The following CD1D variants were observed in gnomAD, a reference collection of about 807,000 sequenced individuals.
CD1D encodes the protein CD1d molecule, also known as antigen-presenting glycoprotein CD1d.
A neutral mutation model predicts 42.1 loss-of-function variants in CD1D; 40 were observed. The ratio of observed to expected loss-of-function variants is 0.95; its 90% confidence interval spans 0.74 to 1.24. The LOEUF is 1.24. CD1D is among the 50% of genes most tolerant of loss of function. CD1D has a pLI of 0.00. For missense variants in CD1D, 437 were observed against 416.5 expected (o/e 1.05, Z -0.43); for synonymous variants, 178 against 171.8 (o/e 1.04, Z -0.28).
intron 4 of CD1D, 140 bp downstream of exon 4, chr1:158,183,296 G>A: frequency 9.6e-7 from 1 of 1,042,992 alleles, no homozygotes; most frequent in African/African-American, 1.6e-5. Context: ...AGGATAGAGA[G>A]AGGGGTTCCA....
chr1:158,185,816 G>A lies in CD1D; in HGVS notation c.*1666G>A, dbSNP rs189267822. On this transcript the variant is annotated 3_prime_UTR_variant, in exon 6 of 6. Coordinates refer to ENST00000674085, the MANE Select transcript of CD1D (RefSeq NM_001371762.2). The stretch of plus-strand genomic sequence containing the variant: ...GGGCCTCATCCTATACCCGCTGAAT[G>A]AGAAACTCTGAGTCTGGAAGCAGGC... Among the ~76,000 whole-genome samples, 28 of 152,346 alleles carry A rather than the reference G, an allele frequency of 1.8e-4. No individual in the cohort carries two copies. The highest frequency in any genetic ancestry group is 1.7e-3 in the Admixed American group (26 of 15,310).
intron 4 of CD1D, 133 bp downstream of exon 4, chr1:158,183,289 A>T (rs1648545654): frequency 7.2e-6 from 8 of 1,114,326 alleles, no homozygotes; most frequent in Admixed American, 2.9e-5. Context: ...CAGTAAAAGG[A>T]TAGAGAGAGG....
Position 158,182,962 on chromosome 1 carries a change from C to G in CD1D, c.692C>G (p.Pro231Arg), listed in dbSNP as rs569233577. The G allele has an allele frequency of 8.0e-5, 129 of 1,614,196 alleles. No homozygotes were observed. The South Asian group carries it at 1.4e-3, about 17-fold the overall frequency. The change falls in exon 4 of 6, where the codon CCA becomes CGA. Residue 231 changes from proline to arginine, a missense_variant. Pro to Arg is a moderately radical substitution (Grantham distance 103, BLOSUM62 -2). Coordinates refer to ENST00000674085, the MANE Select transcript of CD1D (RefSeq NM_001371762.2). ...LLVCHVSGFYPKPVWVKWMRG... is the reference protein window; with the variant it reads ...LLVCHVSGFYRKPVWVKWMRG... ...GTGTGCCATGTCTCAGGATTCTACCCAAAGCCTGTATGGGTGAAGTGGATG... is the reference window on the plus strand; with the variant it reads ...GTGTGCCATGTCTCAGGATTCTACCGAAAGCCTGTATGGGTGAAGTGGATG...
chr1:158,183,050 A>G lies in CD1D; in HGVS notation c.780A>G (p.Thr260=), dbSNP rs1263126501. 9 of 1,614,036 alleles carry G rather than the reference A, an allele frequency of 5.6e-6. No homozygotes were observed. The highest frequency in any genetic ancestry group is 1.7e-6 in the Non-Finnish European group (2 of 1,180,004). ...PGDILPNADE[T]WYLRATLDVV... ...ACATCCTGCCCAATGCTGACGAGAC[A>G]TGGTATCTCCGAGCAACCCTGGATG... The change falls in exon 4 of 6, where the codon ACA becomes ACG. Residue 260 remains threonine, a synonymous_variant. Coordinates refer to ENST00000674085, the MANE Select transcript of CD1D (RefSeq NM_001371762.2).
intron 3 of CD1D, 104 bp downstream of exon 3, chr1:158,182,414 C>T (rs1192160378): frequency 7.7e-7 from 1 of 1,304,644 alleles, no homozygotes; most frequent in African/African-American, 1.5e-5. Flanking sequence ...AGAGGAAGGC[C>T]CAGGAGGGGC....
Position 158,184,129 on chromosome 1 carries a change from T to C in CD1D, c.987T>C (p.Thr329=). 1 of 1,614,146 alleles carries C rather than the reference T, an allele frequency of 6.2e-7. No homozygotes were observed. Among genetic ancestry groups the C allele is most frequent in the Non-Finnish European group, 8.5e-7 (1 of 1,180,022 alleles). Reference sequence around the variant, plus strand: ...TCTTTCCCTTTCTATTCTCTCACAGTTCCTATCAGGGCGTCCTGTGACTCG... The same window carrying C: ...TCTTTCCCTTTCTATTCTCTCACAGCTCCTATCAGGGCGTCCTGTGACTCG... ...VGFTSRFKRQ[T]SYQGVL The change falls in exon 6 of 6, where the codon ACT becomes ACC. Residue 329 remains threonine (T), a splice_region_variant and synonymous_variant. Coordinates refer to ENST00000674085, the MANE Select transcript of CD1D (RefSeq NM_001371762.2).
chr1:158,181,565 T>G lies in CD1D; in HGVS notation c.172T>G (p.Trp58Gly). The G allele has an allele frequency of 6.2e-7, 1 of 1,614,128 alleles. No homozygotes were observed. Among genetic ancestry groups the G allele is most frequent in the Non-Finnish European group, 8.5e-7 (1 of 1,180,024 alleles). ...GCTGGGGGAGCTGCAGACGCACAGC[T>G]GGAGCAACGACTCGGACACCGTCCG... ...AWLGELQTHS[W>G]SNDSDTVRSL... Residue 58 changes from tryptophan (W) to glycine (G), a missense_variant, in exon 2 of 6, where the codon TGG becomes GGG. Coordinates refer to ENST00000674085, the MANE Select transcript of CD1D (RefSeq NM_001371762.2).
In CD1D at chr1:158,184,633, G is replaced by GTCAT. The variant is rs949241363; in HGVS notation, c.*483_*484insTCAT. ...TCAGCGAACATGCCTGATTTTAAAA[G>GTCAT]GTTGACTCAAGTTTTTACAAAATAC... is the stretch of plus-strand genomic sequence containing the variant. On this transcript the variant is annotated 3_prime_UTR_variant, in exon 6 of 6. Coordinates refer to ENST00000674085, the MANE Select transcript of CD1D (RefSeq NM_001371762.2). 6.1e-6 allele frequency: 1 copy of GTCAT among 164,992 alleles called. No homozygotes were observed. Among genetic ancestry groups the GTCAT allele is most frequent in the African/African-American group, 2.4e-5 (1 of 41,542 alleles). 10.2% of individuals were successfully genotyped at this position (164,992 alleles called of 1,614,324 possible).
Position 158,185,624 on chromosome 1 carries a change from G to T in CD1D, c.*1474G>T, listed in dbSNP as rs985075437. ...GGATCCCTTGAGCCCATGAATTCCAGGTTAGTGTGAGCTGTGATTGTGTCA... is the reference window on the plus strand; with the variant it reads ...GGATCCCTTGAGCCCATGAATTCCATGTTAGTGTGAGCTGTGATTGTGTCA... On this transcript the variant is annotated 3_prime_UTR_variant, in exon 6 of 6. Coordinates refer to ENST00000674085, the MANE Select transcript of CD1D (RefSeq NM_001371762.2). Among the ~76,000 whole-genome samples the T allele has an allele frequency of 5.3e-5, 8 of 152,112 alleles. No homozygotes were observed. Among genetic ancestry groups the T allele is most frequent in the African/African-American group, 1.9e-4 (8 of 41,418 alleles).
chr1:158,180,121 A>G (rs1051875423), upstream of CD1D: 1 of 152,278 alleles, frequency 6.6e-6, no homozygotes, highest in Admixed American at 6.5e-5. Context: ...GTCAGGCTGC[A>G]GCCCAGGTTC....
intron 1 of CD1D, 57 bp from the exon 2 acceptor site, chr1:158,181,398 A>G: frequency 6.3e-7 from 1 of 1,597,738 alleles, no homozygotes; most frequent in Non-Finnish European, 8.6e-7. Context: ...CCTTCTCTTT[A>G]TGCTGGCTGC....
chr1:158,181,145 C>G lies in CD1D; in HGVS notation c.44C>G (p.Ala15Gly). The change falls in exon 1 of 6, where the codon GCT becomes GGT. Residue 15 changes from alanine (A) to glycine (G), a missense_variant. Coordinates refer to ENST00000674085, the MANE Select transcript of CD1D (RefSeq NM_001371762.2). ...CTGCTGCTCTGGGCGCTCCTCCAGG[C>G]TTGGGGAAGCGCTGAAGGTGGGTGG... ...LFLLLWALLQ[A>G]WGSAEVPQRL... 6.5e-7 allele frequency: 1 copy of G among 1,549,102 alleles called. No homozygotes were observed. Among genetic ancestry groups the G allele is most frequent in the Non-Finnish European group, 8.7e-7 (1 of 1,146,476 alleles).
chr1:158,180,954 G>A lies in CD1D; in HGVS notation c.-148G>A. On this transcript the variant is annotated 5_prime_UTR_variant, in exon 1 of 6. Coordinates refer to ENST00000674085, the MANE Select transcript of CD1D (RefSeq NM_001371762.2). The stretch of plus-strand genomic sequence containing the variant: ...GGCAGAAGCAGCAAACCGCCGGCAA[G>A]CCCAGCGAGGAGGGCTGCCGGGGTC... The A allele has an allele frequency of 3.0e-6, 2 of 659,116 alleles. No individual in the cohort carries two copies. Among genetic ancestry groups the A allele is most frequent in the Middle Eastern group, 4.6e-4 (1 of 2,166 alleles). 40.8% of individuals were successfully genotyped at this position (659,116 alleles called of 1,614,324 possible). A position where few individuals can be genotyped will look rare whatever the true frequency, so the allele number is the denominator to read the frequency against.
In CD1D at chr1:158,183,141, A is replaced by G. The variant is rs140583445; in HGVS notation, c.871A>G (p.Ile291Val). 1 of 1,608,666 alleles carries G rather than the reference A, an allele frequency of 6.2e-7. No homozygotes were observed. Among genetic ancestry groups the G allele is most frequent in the East Asian group, 2.2e-5 (1 of 44,806 alleles). The change falls in exon 4 of 6, where the codon ATC (isoleucine) becomes GTC (valine). Residue 291 changes from isoleucine (I) to valine (V), a missense_variant. By Grantham distance (29) the Ile-to-Val change is conservative. Transcript: ENST00000674085. Reference protein sequence around the residue: ...VKHSSLEGQDIVLYWGGSYTS... With the variant: ...VKHSSLEGQDVVLYWGGSYTS... The stretch of plus-strand genomic sequence containing the variant: ...GCACAGCAGTCTAGAGGGCCAGGAC[A>G]TCGTCCTCTACTGGGGTGAGAAAAA...
In CD1D at chr1:158,183,067, C is replaced by T; in HGVS notation, c.797C>T (p.Thr266Ile). The T allele has an allele frequency of 6.2e-7, 1 of 1,614,196 alleles. No individual in the cohort carries two copies. The highest frequency in any genetic ancestry group is 8.5e-7 in the Non-Finnish European group (1 of 1,180,046). The change falls in exon 4 of 6, where the codon ACC becomes ATC. Residue 266 changes from threonine to isoleucine, a missense_variant. Transcript: ENST00000674085. ...GACGAGACATGGTATCTCCGAGCAA[C>T]CCTGGATGTGGTGGCTGGGGAGGCA... ...NADETWYLRATLDVVAGEAAG... is the reference protein window; with the variant it reads ...NADETWYLRAILDVVAGEAAG...
In CD1D at chr1:158,184,000, C is replaced by A. The variant is rs1433465892; in HGVS notation, c.951C>A (p.Leu317=). 1 of 1,614,064 alleles carries A rather than the reference C, an allele frequency of 6.2e-7. No individual in the cohort carries two copies. Among genetic ancestry groups the A allele is most frequent in the Non-Finnish European group, 8.5e-7 (1 of 1,180,018 alleles). ...LAVLACLLFL[L]IVGFTSRFKR... is the part of the protein sequence containing the mutation. Reference sequence around the variant, plus strand: ...TCCTGGCGTGCTTGCTGTTCCTCCTCATTGTGGGCTTTACCTCCCGGTTTA... The same window carrying A: ...TCCTGGCGTGCTTGCTGTTCCTCCTAATTGTGGGCTTTACCTCCCGGTTTA... Residue 317 remains leucine, a synonymous_variant, in exon 5 of 6, where the codon CTC becomes CTA. Transcript: ENST00000674085.
rs769149377 is a variant in CD1D, at chr1:158,184,140, G to T, written c.998G>T (p.Gly333Val). 1.9e-6 allele frequency: 3 copies of T among 1,613,852 alleles called. No homozygotes were observed. In the South Asian group the frequency reaches 3.3e-5, roughly 18 times the overall value. ...CTATTCTCTCACAGTTCCTATCAGG[G>T]CGTCCTGTGACTCGCCTTGCCACAT... ...SRFKRQTSYQ[G>V]VL Residue 333 changes from glycine (G) to valine (V), a missense_variant, in exon 6 of 6, where the codon GGC becomes GTC. Gly to Val is a moderately radical substitution (Grantham distance 109, BLOSUM62 -3). Coordinates refer to ENST00000674085, the MANE Select transcript of CD1D (RefSeq NM_001371762.2).
rs1648637398 is a variant in CD1D at position 158,184,784 on chromosome 1, T to G, written c.*634T>G. The G allele has an allele frequency of 6.6e-6, 1 of 152,308 alleles. No individual in the cohort carries two copies. Among genetic ancestry groups the G allele is most frequent in the Non-Finnish European group, 1.5e-5 (1 of 68,124 alleles). The allele number at this position is 152,308 out of a possible 1,614,324, so 9.4% of individuals were successfully genotyped here. ...GGAGGACACAGTTTCTATTGTAAATTTGGATTTACGACTGAAGAAGGACAT... is the reference window on the plus strand; with the variant it reads ...GGAGGACACAGTTTCTATTGTAAATGTGGATTTACGACTGAAGAAGGACAT... On this transcript the variant is annotated 3_prime_UTR_variant, in exon 6 of 6. Coordinates refer to ENST00000674085, the MANE Select transcript of CD1D (RefSeq NM_001371762.2).
chr1:158,180,765 A>C (rs528178006), upstream of CD1D: 42 of 289,800 alleles, frequency 1.4e-4, no homozygotes, highest in African/African-American at 8.4e-4. Flanking sequence ...TCCAAAACAT[A>C]AATAATGGTT....
Sources: allele counts gnomAD v4.1 joint callset (sites outside exome capture counted in the v4.1 genomes callset), GRCh38; gene constraint gnomAD v4.1.1; transcripts MANE v1.5; gene names NCBI Gene and HGNC (gene_info 2026-07-23, HGNC 2026-07-21).